The following PDE3B variants were observed in gnomAD, a reference collection of about 807,000 sequenced individuals.
The protein encoded by PDE3B is phosphodiesterase 3B.
Under a neutral mutation model 116.8 loss-of-function variants are expected in PDE3B, and 66 were observed. That is an observed-to-expected ratio of 0.56 (90% CI 0.46 to 0.69). The LOEUF (loss-of-function observed/expected upper bound fraction) is 0.69, where lower values mean the gene tolerates loss of function less well. Among genes scored for constraint, PDE3B ranks in the 30% least tolerant of loss-of-function variants. The probability of loss-of-function intolerance (pLI) is 0.00; values close to 1 mark genes in which losing one functional copy is unlikely to be tolerated. For synonymous variants in PDE3B, 595 were observed against 533.6 expected (o/e 1.12, Z -1.59); for missense variants, 1,384 against 1,368.1 (o/e 1.01, Z -0.18).
intron 3 of PDE3B, among the ~76,000 whole-genome samples, chr11:14,788,197 A>G (rs529319779): frequency 1.8e-4 from 28 of 151,960 alleles, no homozygotes; most frequent in Non-Finnish European, 3.2e-4. Context: ...GGAAAAGCAT[A>G]TAAAAAGCCT....
In PDE3B at chr11:14,835,053, T is replaced by G; in HGVS notation, c.2278T>G (p.Leu760Val). ...WYLTTRPVPG[L>V]QQIHNGCGTG... ...TCTGACAACACGGCCAGTTCCTGGC[T>G]TACAGCAGATCCACAATGGTTGTGG... Residue 760 changes from leucine to valine, a missense_variant, in exon 11 of 16, where the codon TTA (leucine) becomes GTA (valine). Physicochemically the swap from Leu to Val is conservative, Grantham distance 32. This residue lies in a region of PDE3B where 428 missense variants were observed against 561.4 expected (regional missense o/e 0.76). Transcript: ENST00000282096. The G allele has an allele frequency of 6.2e-7, 1 of 1,612,766 alleles. No individual in the cohort carries two copies. Among genetic ancestry groups the G allele is most frequent in the Non-Finnish European group, 8.5e-7 (1 of 1,179,134 alleles).
intron 1 of PDE3B, among the ~76,000 whole-genome samples, chr11:14,647,631 G>A (rs1853446693): frequency 6.6e-6 from 1 of 151,812 alleles, no homozygotes; most frequent in Non-Finnish European, 1.5e-5. Flanking sequence ...ATTTTGGATA[G>A]GACTTTAAAA....
intron 1 of PDE3B, among the ~76,000 whole-genome samples, chr11:14,737,985 A>G (rs1348910077): frequency 3.3e-5 from 5 of 152,150 alleles, no homozygotes; most frequent in African/African-American, 7.2e-5. Context: ...TCCATGGTGT[A>G]TATGTGCCAC....
At chr11:14,651,183 T>C (rs1853565457) in intron 1 of PDE3B, among the ~76,000 whole-genome samples, 1 of 152,198 alleles carries the variant, frequency 6.6e-6, no homozygotes, top group African/African-American at 2.4e-5. Context: ...GGTGGTTTAC[T>C]GGCAATCTTT....
chr11:14,738,408 A>G (rs1173075304), intron 1 of PDE3B, among the ~76,000 whole-genome samples: 2 of 152,308 alleles, frequency 1.3e-5, no homozygotes, highest in South Asian at 2.1e-4. Context: ...TTGGCTGCAT[A>G]AATGTCTTCT....
chr11:14,669,455 C>T (rs118061164), intron 1 of PDE3B, among the ~76,000 whole-genome samples: 2 of 152,056 alleles, frequency 1.3e-5, no homozygotes, highest in African/African-American at 4.8e-5. Context: ...ATGAAATATT[C>T]GTAACACTAC....
chr11:14,724,359 G>A (rs1002104756), intron 1 of PDE3B, among the ~76,000 whole-genome samples: 6 of 152,140 alleles, frequency 3.9e-5, no homozygotes, highest in East Asian at 3.8e-4. Flanking sequence ...AGCTTTTGCC[G>A]AATTTGAGAT....
the PDE3B span, chr11:14,879,583 C>G: frequency 4.7e-6 from 3 of 634,628 alleles, no homozygotes; most frequent in Non-Finnish European, 8.3e-6. Flanking sequence ...TTTTTATTAT[C>G]TGGGCGTTCT....
rs550664464 is a variant in PDE3B at position 14,781,679 on chromosome 11, G to C, written c.1030-4758G>C. 5.2e-4 allele frequency among the ~76,000 whole-genome samples: 79 copies of C among 152,130 alleles called. No homozygotes were observed. In the Middle Eastern group the frequency reaches 0.01, roughly 20 times the overall value. On this transcript the variant is annotated intron_variant, in intron 2 of 15. Transcript: ENST00000282096. ...TGTATCTCAAAATAATAAGAGCTAT[G>C]TATGACAAACCCACAGCCAATATCA...
At chr11:14,805,026 A>G (rs1361393596) in intron 5 of PDE3B, among the ~76,000 whole-genome samples, 1 of 152,186 alleles carries the variant, frequency 6.6e-6, no homozygotes, top group Non-Finnish European at 1.5e-5. Context: ...TAAAAGACAT[A>G]TGGGACACAG....
chr11:14,889,862 C>T, the PDE3B span, among the ~76,000 whole-genome samples: 1 of 152,180 alleles, frequency 6.6e-6, no homozygotes, highest in Non-Finnish European at 1.5e-5. Context: ...GGCGCAGTGG[C>T]TCACACCTGT....
At chr11:14,879,284 G>C in the PDE3B span, 4 of 1,613,150 alleles carry the variant, frequency 2.5e-6, no homozygotes, top group Non-Finnish European at 3.4e-6. Flanking sequence ...ACGTACAACT[G>C]CATCTTCAGA....
chr11:14,880,599 A>C, the PDE3B span: 1 of 1,612,938 alleles, frequency 6.2e-7, no homozygotes, highest in East Asian at 2.2e-5. Flanking sequence ...TTAACTGTTT[A>C]AAGTCAAAAG....
chr11:14,739,938 T>C (rs1187810418), intron 1 of PDE3B, among the ~76,000 whole-genome samples: 1 of 152,208 alleles, frequency 6.6e-6, no homozygotes, highest in Non-Finnish European at 1.5e-5. Context: ...TAGCCTTGCA[T>C]CCCAGGGTTG....
chr11:14,714,746 C>G (rs1232071381), intron 1 of PDE3B, among the ~76,000 whole-genome samples: 2 of 151,940 alleles, frequency 1.3e-5, no homozygotes, highest in Middle Eastern at 6.3e-3. Flanking sequence ...TGACATATGG[C>G]TAGTGTGGCT....
chr11:14,878,263 C>T, the PDE3B span: 1 of 1,613,012 alleles, frequency 6.2e-7, no homozygotes, highest in African/African-American at 1.3e-5. Flanking sequence ...ACATTTCCAT[C>T]CGAGCCAAGT....
intron 7 of PDE3B, among the ~76,000 whole-genome samples, chr11:14,828,091 TG>T (rs1388680192): frequency 6.6e-6 from 1 of 152,184 alleles, no homozygotes; most frequent in Non-Finnish European, 1.5e-5. Context: ...ATTCAATAAA[TG>T]GTGGTGGGAT....
At chr11:14,892,608 A>G in the PDE3B span, among the ~76,000 whole-genome samples, 1 of 152,188 alleles carries the variant, frequency 6.6e-6, no homozygotes, top group Non-Finnish European at 1.5e-5. Context: ...TTCATTTCAC[A>G]CTAGGAAAAC....
At chr11:14,890,601 C>T in the PDE3B span, 1 of 201,250 alleles carries the variant, frequency 5.0e-6, no homozygotes, top group Non-Finnish European at 7.2e-6. Context: ...GGCTGGAGTG[C>T]AGTGGCGCGA....
Sources: allele counts gnomAD v4.1 joint callset (sites outside exome capture counted in the v4.1 genomes callset), GRCh38; gene constraint gnomAD v4.1.1; regional missense constraint gnomAD v4.1.1; transcripts MANE v1.5; gene names NCBI Gene and HGNC (gene_info 2026-07-23, HGNC 2026-07-21).